GCC2: variants seen among roughly 807,000 people sequenced by gnomAD.
The protein encoded by GCC2 is GRIP and coiled-coil domain-containing protein 2.
GCC2 carries 120 observed loss-of-function variants against 210.6 expected under a neutral mutation model. The ratio of observed to expected loss-of-function variants is 0.57; its 90% CI spans 0.49 to 0.66. The LOEUF (loss-of-function observed/expected upper bound fraction) is 0.66, where lower values mean the gene tolerates loss of function less well. GCC2 is among the 30% of genes least tolerant of loss of function. GCC2 has a pLI of 0.00. For missense variants in GCC2, 1,868 were observed against 1,871.9 expected, an observed-to-expected ratio of 1.00 and a Z score of 0.04; for synonymous variants, 703 against 652.7, an observed-to-expected ratio of 1.08 and a Z score of -1.17.
chr2:108,458,197 T>A (rs567070663), intron 4 of GCC2, among the ~76,000 whole-genome samples: 1 of 152,216 alleles, frequency 6.6e-6, no homozygotes, highest in East Asian at 1.9e-4. Context: ...TTGCCCTTTA[T>A]TCTGTTGATG....
intron 2 of GCC2, among the ~76,000 whole-genome samples, chr2:108,450,225 C>A (rs936528433): frequency 2.2e-4 from 34 of 152,330 alleles, no homozygotes; most frequent in Non-Finnish European, 7.3e-5. Context: ...TTGTTACCCT[C>A]CTTTTACAGA....
intron 4 of GCC2, among the ~76,000 whole-genome samples, chr2:108,463,221 T>A (rs1680701465): frequency 6.6e-6 from 1 of 152,208 alleles, no homozygotes; most frequent in East Asian, 1.9e-4. Flanking sequence ...TGAGATCTGT[T>A]GCTAGAGAAT....
At position 108,470,408 on chromosome 2, in the gene GCC2, A is replaced by T. The variant is rs1681132695; in HGVS notation, c.1079A>T (p.Asn360Ile). 3.7e-6 allele frequency: 6 copies of T among 1,606,582 alleles called. No individual in the cohort carries two copies. Among genetic ancestry groups the T allele is most frequent in the Non-Finnish European group, 5.1e-6 (6 of 1,173,980 alleles). Residue 360 changes from asparagine to isoleucine, a missense_variant, in exon 6 of 23, where the codon AAT becomes ATT. Asn to Ile is a moderately radical substitution (Grantham distance 149). Coordinates refer to ENST00000309863, the MANE Select transcript of GCC2 (RefSeq NM_181453.4). ...ILKDEVTYMN[N>I]LKLKLEMDAQ... ...AAAGATGAGGTAACTTATATGAATA[A>T]TCTTAAGTTAAAACTTGAAATGGAT...
At chr2:108,491,185 A>G (rs1404272452) in intron 18 of GCC2, among the ~76,000 whole-genome samples, 1 of 152,212 alleles carries the variant, frequency 6.6e-6, no homozygotes. Context: ...GTTAATATAA[A>G]CACCTCTGTA....
At chr2:108,490,278 T>TA (rs1249956512) in intron 18 of GCC2, 1 of 301,460 alleles carries the variant, frequency 3.3e-6, no homozygotes, top group Non-Finnish European at 6.0e-6. Flanking sequence ...GATGTTTCTC[T>TA]AAAAAAACAA....
Position 108,489,979 on chromosome 2 carries a change from G to A in GCC2, c.4194G>A (p.Gln1398=). 2 of 1,608,684 alleles carry A rather than the reference G, an allele frequency of 1.2e-6. No individual in the cohort carries two copies. Among genetic ancestry groups the A allele is most frequent in the Non-Finnish European group, 1.7e-6 (2 of 1,178,012 alleles). The change falls in exon 18 of 23, where the codon CAG becomes CAA. Residue 1398 remains glutamine, a synonymous_variant. Coordinates refer to ENST00000309863, the MANE Select transcript of GCC2 (RefSeq NM_181453.4). ...TAGAAAGGCACAACAAGATGCTGCA[G>A]GAAACTGTGTCCAAAGAGGCGGAAC... The part of the protein sequence containing the change: ...TLLERHNKML[Q]ETVSKEAELR...
At chr2:108,461,960 G>A (rs1212175032) in intron 4 of GCC2, among the ~76,000 whole-genome samples, 1 of 144,472 alleles carries the variant, frequency 6.9e-6, no homozygotes, top group Non-Finnish European at 1.5e-5. Context: ...AGCCTCCCGA[G>A]TAGCTGGGAC....
chr2:108,502,122 CT>C (rs1682955070), intron 22 of GCC2, among the ~76,000 whole-genome samples: 1 of 151,890 alleles, frequency 6.6e-6, no homozygotes, highest in South Asian at 2.1e-4. Flanking sequence ...AAAACTGCCC[CT>C]ATAAAAAAAC....
intron 19 of GCC2, chr2:108,494,954 G>A (rs1241017702): frequency 6.2e-6 from 1 of 161,392 alleles, no homozygotes; most frequent in African/African-American, 2.4e-5. Context: ...TGGGATTACA[G>A]GCACCTGCCA....
chr2:108,466,199 G>A (rs1265742877), intron 4 of GCC2, among the ~76,000 whole-genome samples: 2 of 152,128 alleles, frequency 1.3e-5, no homozygotes, highest in Non-Finnish European at 1.5e-5. Context: ...TGTCAGATGC[G>A]TAGTTTGCAG....
At chr2:108,465,410 T>C (rs1031317871) in intron 4 of GCC2, among the ~76,000 whole-genome samples, 3 of 152,138 alleles carry the variant, frequency 2.0e-5, no homozygotes, top group African/African-American at 7.2e-5. Context: ...CATGGATGAA[T>C]TATATAGTGG....
chr2:108,467,090 T>C (rs1224827816), intron 4 of GCC2, among the ~76,000 whole-genome samples: 1 of 152,180 alleles, frequency 6.6e-6, no homozygotes, highest in African/African-American at 2.4e-5. Context: ...TTCAAAAGTA[T>C]CCTGGCTATT....
At chr2:108,457,765 G>A (rs2104416067) in intron 4 of GCC2, among the ~76,000 whole-genome samples, 1 of 152,134 alleles carries the variant, frequency 6.6e-6, no homozygotes, top group South Asian at 2.1e-4. Context: ...TTTATTGTTG[G>A]TATATAGAAA....
At chr2:108,473,231 T>G (rs773156748) in intron 7 of GCC2, 4 of 209,876 alleles carry the variant, frequency 1.9e-5, no homozygotes, top group South Asian at 8.9e-5. Flanking sequence ...GTACAGACCA[T>G]GTGCTCAGAG....
intron 15 of GCC2, 146 bp downstream of exon 15, chr2:108,486,054 G>A: frequency 1.8e-6 from 1 of 560,304 alleles, no homozygotes; most frequent in South Asian, 2.7e-5. Flanking sequence ...ATCAAGTCTG[G>A]CATATAACTG....
In GCC2 at chr2:108,492,744, G is replaced by A; in HGVS notation, c.4401G>A (p.Lys1467=). The A allele has an allele frequency of 6.2e-7, 1 of 1,614,088 alleles. No homozygotes were observed. The highest frequency in any genetic ancestry group is 8.5e-7 in the Non-Finnish European group (1 of 1,179,922). The change falls in exon 19 of 23, where the codon AAG becomes AAA. Residue 1467 remains lysine (K), a synonymous_variant. Transcript: ENST00000309863. The stretch of plus-strand genomic sequence containing the variant: ...AGACATTACAGCAGCAGCTCTCCAA[G>A]ATGGAAGCACAGCTCTTCCAGCTTA... ...TVETLQQQLS[K]MEAQLFQLKN...
In GCC2 at chr2:108,481,807, G is replaced by A. The variant is rs752940087; in HGVS notation, c.3171G>A (p.Ser1057=). The change falls in exon 10 of 23, where the codon TCG becomes TCA. Residue 1057 remains serine, a synonymous_variant. Coordinates refer to ENST00000309863, the MANE Select transcript of GCC2 (RefSeq NM_181453.4). ...IEDLTRQLRN[S]TLQCETINSD... ...ACCTTACAAGACAATTAAGAAATTC[G>A]ACTTTGCAGGTAATTTTTTAATAAA... is the stretch of plus-strand genomic sequence containing the variant. 8 of 1,556,570 alleles carry A rather than the reference G, an allele frequency of 5.1e-6. No individual in the cohort carries two copies. In the South Asian group the frequency reaches 6.1e-5, roughly 12 times the overall value.
chr2:108,501,228 G>A (rs1390660594), intron 22 of GCC2, among the ~76,000 whole-genome samples: 3 of 151,948 alleles, frequency 2.0e-5, no homozygotes, highest in Non-Finnish European at 4.4e-5. Flanking sequence ...CTTGTGATCT[G>A]CCCGCCTTGG....
chr2:108,493,337 C>G, intron 19 of GCC2: 1 of 807,514 alleles, frequency 1.2e-6, no homozygotes, highest in Non-Finnish European at 1.5e-6. Context: ...ATCCACCCGC[C>G]TCGGCCTCCC....
Sources: gnomAD v4.1 joint callset for allele counts (sites outside exome capture counted in the v4.1 genomes callset) on GRCh38, gnomAD v4.1.1 for gene constraint, MANE v1.5 for transcripts, NCBI Gene and HGNC (gene_info 2026-07-23, HGNC 2026-07-21) for gene names.